The following DPP10 variants were observed in gnomAD, a reference collection of about 807,000 sequenced individuals.
DPP10 encodes the protein dipeptidyl peptidase like 10.
A neutral mutation model predicts 120.9 loss-of-function variants in DPP10; 33 were observed. That is an observed-to-expected ratio of 0.27 (90% CI 0.21 to 0.37). The LOEUF (loss-of-function observed/expected upper bound fraction) is 0.37. DPP10 is among the 10% of genes least tolerant of loss of function. DPP10 has a pLI of 1.00. For synonymous variants in DPP10, 337 were observed against 326.1 expected (o/e 1.03, Z -0.36); for missense variants, 816 against 942.8 (o/e 0.87, Z 1.76).
intron 3 of DPP10, among the ~76,000 whole-genome samples, chr2:115,418,893 AG>A: frequency 6.6e-6 from 1 of 152,314 alleles, no homozygotes; most frequent in Admixed American, 6.5e-5. Context: ...TTCTGACAAG[AG>A]TTCATTTTGT....
chr2:114,530,496 A>G (rs192671638), intron 1 of DPP10, among the ~76,000 whole-genome samples: 161 of 152,264 alleles, frequency 1.1e-3, no homozygotes, highest in Non-Finnish European at 1.7e-3. Flanking sequence ...GGGAATAAAC[A>G]TAGCCCACAG....
intron 5 of DPP10, among the ~76,000 whole-genome samples, chr2:115,605,702 A>G (rs1558916068): frequency 6.6e-6 from 1 of 151,528 alleles, no homozygotes; most frequent in African/African-American, 2.4e-5. Context: ...AGTAAAATTT[A>G]CTCTCTCTCT....
intron 5 of DPP10, among the ~76,000 whole-genome samples, chr2:115,643,458 G>A (rs950371402): frequency 2.0e-5 from 3 of 152,134 alleles, no homozygotes; most frequent in African/African-American, 4.8e-5. Flanking sequence ...TATAGACTGC[G>A]AAATCCATAT....
intron 1 of DPP10, among the ~76,000 whole-genome samples, chr2:115,028,692 G>C (rs1703638530): frequency 1.3e-5 from 2 of 151,888 alleles, no homozygotes; most frequent in Non-Finnish European, 2.9e-5. Context: ...GCCTGTCTTT[G>C]CTTAACATTA....
Position 115,309,172 on chromosome 2 carries a change from A to C in DPP10, c.61-67A>C, listed in dbSNP as rs553188170. 2.1e-4 allele frequency: 263 copies of C among 1,262,650 alleles called. 2 individuals carry two copies. The South Asian group carries it at 3.2e-3, about 15-fold the overall frequency. 78.2% of individuals were successfully genotyped at this position (1,262,650 alleles called of 1,614,324 possible). ...CTGTGATTGTGCCATGCACTGAATCATTCCTTTATGAATACATTTCTCTTG... is the reference window on the plus strand; with the variant it reads ...CTGTGATTGTGCCATGCACTGAATCCTTCCTTTATGAATACATTTCTCTTG... On this transcript the variant is annotated intron_variant, in intron 1 of 25. Transcript: ENST00000410059.
chr2:114,811,541 C>G (rs963923319), intron 1 of DPP10, among the ~76,000 whole-genome samples: 4 of 152,006 alleles, frequency 2.6e-5, no homozygotes, highest in Non-Finnish European at 4.4e-5. Context: ...ACAATAACTT[C>G]CAATTCCAAC....
chr2:115,626,741 A>G (rs971412433), intron 5 of DPP10, among the ~76,000 whole-genome samples: 3 of 152,176 alleles, frequency 2.0e-5, no homozygotes, highest in African/African-American at 7.2e-5. Context: ...TTAGACATAG[A>G]CACATACACA....
chr2:115,712,417 T>A (rs2092348227), intron 7 of DPP10, among the ~76,000 whole-genome samples: 2 of 151,044 alleles, frequency 1.3e-5, no homozygotes, highest in African/African-American at 2.4e-5. Flanking sequence ...AGCCCAGTTC[T>A]TAACAGGCCA....
intron 5 of DPP10, among the ~76,000 whole-genome samples, chr2:115,570,172 T>A (rs1467317757): frequency 6.6e-6 from 1 of 152,216 alleles, no homozygotes; most frequent in Non-Finnish European, 1.5e-5. Context: ...TCATGCCTGC[T>A]GTTTGCTTAT....
intron 1 of DPP10, among the ~76,000 whole-genome samples, chr2:115,307,619 T>G (rs1414109238): frequency 1.3e-5 from 2 of 152,126 alleles, no homozygotes; most frequent in Non-Finnish European, 2.9e-5. Context: ...TAGGTTTTGA[T>G]TTACAGCAGC....
chr2:114,920,809 C>A (rs1695146177), intron 1 of DPP10, among the ~76,000 whole-genome samples: 2 of 152,142 alleles, frequency 1.3e-5, no homozygotes, highest in African/African-American at 4.8e-5. Flanking sequence ...CACAGAATCT[C>A]CCCAGTCTAC....
intron 3 of DPP10, among the ~76,000 whole-genome samples, chr2:115,418,834 A>C (rs1257582436): frequency 3.3e-5 from 5 of 152,190 alleles, no homozygotes; most frequent in African/African-American, 1.2e-4. Flanking sequence ...AAACAATTAA[A>C]AAATAAAGAA....
At chr2:115,525,803 A>G (rs955842775) in intron 4 of DPP10, 95 bp from the exon 5 acceptor site, 4 of 822,696 alleles carry the variant, frequency 4.9e-6, no homozygotes, top group East Asian at 2.6e-5. Flanking sequence ...ATGCCATTTT[A>G]TAGTGCTATG....
intron 13 of DPP10, among the ~76,000 whole-genome samples, chr2:115,769,678 T>C (rs1559133090): frequency 6.6e-6 from 1 of 152,012 alleles, no homozygotes; most frequent in South Asian, 2.1e-4. Flanking sequence ...TATGCATTTA[T>C]AGATGAATAA....
intron 19 of DPP10, among the ~76,000 whole-genome samples, chr2:115,803,874 C>T (rs919242373): frequency 2.0e-5 from 3 of 152,142 alleles, no homozygotes; most frequent in Non-Finnish European, 4.4e-5. Context: ...TTTTTTCCTT[C>T]ATTTCAACTT....
intron 1 of DPP10, among the ~76,000 whole-genome samples, chr2:114,599,308 A>G (rs930739447): frequency 3.3e-5 from 5 of 151,878 alleles, no homozygotes; most frequent in African/African-American, 1.2e-4. Context: ...AAGCTTATAC[A>G]CATTTAATTC....
intron 21 of DPP10, among the ~76,000 whole-genome samples, chr2:115,830,444 T>C (rs1688805565): frequency 6.6e-6 from 1 of 152,030 alleles, no homozygotes; most frequent in African/African-American, 2.4e-5. Context: ...CAGATATCAC[T>C]GTGATTACCA....
intron 5 of DPP10, among the ~76,000 whole-genome samples, chr2:115,586,111 TCAG>T (rs1460694296): frequency 1.3e-4 from 20 of 152,158 alleles, no homozygotes; most frequent in African/African-American, 4.3e-4. Context: ...TCACCTGAGG[TCAG>T]GAGTTCAAGA....
intron 1 of DPP10, among the ~76,000 whole-genome samples, chr2:114,712,336 A>G (rs1428124570): frequency 6.6e-6 from 1 of 152,196 alleles, no homozygotes; most frequent in Non-Finnish European, 1.5e-5. Flanking sequence ...ATAAAATAAA[A>G]TAAAGTAGTC....
Sources: allele counts gnomAD v4.1 joint callset (sites outside exome capture counted in the v4.1 genomes callset), GRCh38; gene constraint gnomAD v4.1.1; transcripts MANE v1.5; gene names NCBI Gene and HGNC (gene_info 2026-07-23, HGNC 2026-07-21).